GFOD1: variants seen among roughly 807,000 people sequenced by gnomAD.
GFOD1 encodes the protein Gfo/Idh/MocA-like oxidoreductase domain containing 1, also known as glucose-fructose oxidoreductase domain-containing protein 1.
A neutral mutation model predicts 25.4 loss-of-function variants in GFOD1; 9 were observed. That is an observed-to-expected ratio of 0.35 (90% CI 0.21 to 0.62). The LOEUF (loss-of-function observed/expected upper bound fraction) is 0.62. Ranked by LOEUF, GFOD1 falls within the 20% of genes least tolerant of loss-of-function variation. GFOD1 has a pLI of 0.72. For synonymous variants in GFOD1, 253 were observed against 245.6 expected (o/e 1.03, Z -0.28); for missense variants, 403 against 556.9 (o/e 0.72, Z 2.78).
At chr6:13,423,471 A>G (rs1786295534) in intron 1 of GFOD1, among the ~76,000 whole-genome samples, 1 of 152,178 alleles carries the variant, frequency 6.6e-6, no homozygotes, top group Admixed American at 6.5e-5. Context: ...CTCATGCACC[A>G]TGACACACAC....
chr6:13,384,589 C>T (rs1562200169), intron 1 of GFOD1, among the ~76,000 whole-genome samples: 1 of 152,204 alleles, frequency 6.6e-6, no homozygotes, highest in Admixed American at 6.5e-5. Context: ...CTTTTTAGTA[C>T]TCGTTGATGA....
chr6:13,470,402 C>T (rs1209431053), intron 1 of GFOD1: 4 of 1,549,542 alleles, frequency 2.6e-6, no homozygotes, highest in Non-Finnish European at 3.5e-6. Context: ...CAGGCTGCCT[C>T]TGTGCCCTGG....
chr6:13,374,738 T>C lies in GFOD1; in HGVS notation c.254-9076A>G, dbSNP rs865822179. ...TTCATCATCTCAAATCTTTTTTTTT[T>C]TTTTTTTTTTTTTTGAGATCAAGTT... On this transcript the variant is annotated intron_variant, in intron 1 of 1. Transcript: ENST00000379287. Among the ~76,000 whole-genome samples, 297 of 146,790 alleles carry C rather than the reference T, an allele frequency of 2.0e-3. 2 individuals are homozygous for C. In the Middle Eastern group the frequency reaches 0.021, roughly 10 times the overall value.
chr6:13,465,598 G>A lies in GFOD1; in HGVS notation c.253+21040C>T, dbSNP rs146858883. On this transcript the variant is annotated intron_variant, in intron 1 of 1. Coordinates refer to ENST00000379287, the MANE Select transcript of GFOD1 (RefSeq NM_018988.4). ...ATACCTAGTTCCTACCCTCAGAGAC[G>A]CTGATGTAACCGGTCTGGGGTGCGG... Among the ~76,000 whole-genome samples, 142 of 152,306 alleles carry A rather than the reference G, an allele frequency of 9.3e-4. 1 individual carries two copies. The highest frequency in any genetic ancestry group is 1.2e-3 in the Non-Finnish European group (85 of 68,032).
chr6:13,469,352 T>C, intron 1 of GFOD1: 1 of 985,546 alleles, frequency 1.0e-6, no homozygotes. Context: ...GTGAAGATCA[T>C]GAAATAACAT....
In GFOD1 at chr6:13,357,952, C is replaced by A. The variant is rs542518421; in HGVS notation, c.*6791G>T. ...GGCCAGCTGGCTGAGTGATGCTGAC[C>A]GCTGGCTCCGAGCATCGAGCATCGC... On this transcript the variant is annotated 3_prime_UTR_variant, in exon 2 of 2. Transcript: ENST00000379287. 10 of 152,392 alleles carry A rather than the reference C, an allele frequency of 6.6e-5. No individual in the cohort carries two copies. The East Asian group carries it at 1.2e-3, about 18-fold the overall frequency. 9.4% of individuals were successfully genotyped at this position (152,392 alleles called of 1,614,324 possible). A position where few individuals can be genotyped will look rare whatever the true frequency, so the allele number is the denominator to read the frequency against.
Position 13,365,442 on chromosome 6 carries a change from C to T in GFOD1, c.474G>A (p.Lys158=). 1 of 1,613,946 alleles carries T rather than the reference C, an allele frequency of 6.2e-7. No individual in the cohort carries two copies. Residue 158 remains lysine, a synonymous_variant, in exon 2 of 2, where the codon AAG becomes AAA. Transcript: ENST00000379287. The surrounding 1 kb of genome is among the most constrained non-coding windows in gnomAD (Gnocchi z 9.2). ...VQVHGGSLLG[K]KYNWSCDDLM... is the part of the protein sequence containing the mutation. Reference sequence around the variant, plus strand: ...AGTCGTCGCAGCTCCAGTTGTACTTCTTGCCCAGCAGGCTGCCGCCGTGCA... The same window carrying T: ...AGTCGTCGCAGCTCCAGTTGTACTTTTTGCCCAGCAGGCTGCCGCCGTGCA...
intron 1 of GFOD1, among the ~76,000 whole-genome samples, chr6:13,409,289 GAAGGAAGGAAGA>G (rs1447670096): frequency 2.9e-5 from 1 of 33,982 alleles, no homozygotes; most frequent in African/African-American, 4.1e-5. Flanking sequence ...AGACAGAGAG[GAAGGAAGGAAGA>G]AAGGAAGGAA....
At position 13,402,007 on chromosome 6, in the gene GFOD1, GAATT is replaced by G. The variant is rs1167361720; in HGVS notation, c.254-36349_254-36346del. Among the ~76,000 whole-genome samples the G allele has an allele frequency of 1.6e-4, 24 of 152,256 alleles. No homozygotes were observed. The East Asian group carries it at 4.6e-3, about 29-fold the overall frequency. On this transcript the variant is annotated intron_variant, in intron 1 of 1. Coordinates refer to ENST00000379287, the MANE Select transcript of GFOD1 (RefSeq NM_018988.4). ...GGATGAACAAATAGATCAATGAGAA[GAATT>G]AATTAAGAGTTCAGAAATAAATTTT... is the stretch of plus-strand genomic sequence containing the variant.
chr6:13,363,805 T>C lies in GFOD1; in HGVS notation c.*938A>G, dbSNP rs1333659405. On this transcript the variant is annotated 3_prime_UTR_variant, in exon 2 of 2. Coordinates refer to ENST00000379287, the MANE Select transcript of GFOD1 (RefSeq NM_018988.4). ...TCTTTGGGGGCAGCATATGAGCTTA[T>C]GGCCAAACCCATACTTTGTGCTGTC... 6.6e-6 allele frequency: 1 copy of C among 152,186 alleles called. No individual in the cohort carries two copies. The highest frequency in any genetic ancestry group is 1.9e-4 in the East Asian group (1 of 5,190). The allele number at this position is 152,186 out of a possible 1,614,324, so 9.4% of individuals were successfully genotyped here.
rs1784939829 is a variant in GFOD1, at chr6:13,361,080, A to G, written c.*3663T>C. 2 of 351,798 alleles carry G rather than the reference A, an allele frequency of 5.7e-6. No individual in the cohort carries two copies. Among genetic ancestry groups the G allele is most frequent in the Non-Finnish European group, 5.6e-6 (1 of 177,546 alleles). 21.8% of individuals were successfully genotyped at this position (351,798 alleles called of 1,614,324 possible). On this transcript the variant is annotated 3_prime_UTR_variant, in exon 2 of 2. Coordinates refer to ENST00000379287, the MANE Select transcript of GFOD1 (RefSeq NM_018988.4). ...ATAACATACTTAAAATACTCTGCAC[A>G]CAGTGGACAAGTCTTGGAGTTGGCC...
intron 1 of GFOD1, among the ~76,000 whole-genome samples, chr6:13,448,064 G>A (rs1758035696): frequency 6.6e-6 from 1 of 152,178 alleles, no homozygotes; most frequent in African/African-American, 2.4e-5. Flanking sequence ...TGCCTGGGTG[G>A]AGGGATGGAG....
intron 1 of GFOD1, chr6:13,408,119 C>T: frequency 1.0e-5 from 10 of 984,826 alleles, no homozygotes; most frequent in Non-Finnish European, 1.2e-5. Context: ...CTATCCTCCA[C>T]ATAGAGTCTT....
chr6:13,393,661 T>A (rs765749436), intron 1 of GFOD1, among the ~76,000 whole-genome samples: 23 of 152,082 alleles, frequency 1.5e-4, no homozygotes, highest in African/African-American at 3.6e-4. Context: ...TTTTAATTTT[T>A]AAAAAAATCA....
intron 1 of GFOD1, among the ~76,000 whole-genome samples, chr6:13,404,179 T>C (rs987427163): frequency 4.6e-5 from 7 of 152,344 alleles, no homozygotes; most frequent in African/African-American, 1.7e-4. Flanking sequence ...TGGAAAAGAC[T>C]GTGCAAAATA....
rs759114162 is a variant in GFOD1, at chr6:13,480,707, G to C, written c.253+5931C>G. Among the ~76,000 whole-genome samples the C allele has an allele frequency of 3.3e-5, 5 of 152,054 alleles. No homozygotes were observed. In the South Asian group the frequency reaches 1.0e-3, roughly 32 times the overall value. Reference sequence around the variant, plus strand: ...TCACTATGTTGCCCAGGCTGATCTCGAAGTCCTGGGCTCAAGCAATCCTCC... The same window carrying C: ...TCACTATGTTGCCCAGGCTGATCTCCAAGTCCTGGGCTCAAGCAATCCTCC... On this transcript the variant is annotated intron_variant, in intron 1 of 1. Transcript: ENST00000379287.
Position 13,393,780 on chromosome 6 carries a change from C to CTTTTTTTTTTT in GFOD1, c.254-28129_254-28119dup, listed in dbSNP as rs70989854. On this transcript the variant is annotated intron_variant, in intron 1 of 1. Coordinates refer to ENST00000379287, the MANE Select transcript of GFOD1 (RefSeq NM_018988.4). ...CCTTGGCCAATTTCTTTTTTCTTTT[C>CTTTTTTTTTTT]TTTTTTTTTTTTTTTTTGAGACGGA... Among the ~76,000 whole-genome samples the CTTTTTTTTTTT allele has an allele frequency of 6.7e-5, 8 of 120,288 alleles. 1 individual carries two copies. The highest frequency in any genetic ancestry group is 1.0e-4 in the Admixed American group (1 of 9,802). 78.9% of individuals were successfully genotyped at this position (120,288 alleles called of 152,430 possible).
At chr6:13,477,268 G>A (rs895143013) in intron 1 of GFOD1, among the ~76,000 whole-genome samples, 9 of 138,262 alleles carry the variant, frequency 6.5e-5, no homozygotes, top group Admixed American at 2.2e-4. Context: ...TGAGAGATTC[G>A]TTTTAAGGAA....
chr6:13,474,847 T>C (rs9474296), intron 1 of GFOD1, among the ~76,000 whole-genome samples: 4,788 of 152,286 alleles, frequency 0.031, 242 homozygotes, highest in African/African-American at 0.11. Flanking sequence ...CCCTGGGCAA[T>C]GCCAGAGCCC....
Sources: gnomAD v4.1 joint callset for allele counts (sites outside exome capture counted in the v4.1 genomes callset) on GRCh38, gnomAD v4.1.1 for gene constraint, Gnocchi (gnomAD v3.1) non-coding constraint, MANE v1.5 for transcripts, NCBI Gene and HGNC (gene_info 2026-07-23, HGNC 2026-07-21) for gene names.